TYR: variants seen among roughly 807,000 people sequenced by gnomAD.
The protein encoded by TYR is tyrosinase, also known as LB24-AB.
A neutral mutation model predicts 51.5 loss-of-function variants in TYR; 58 were observed. That is an observed-to-expected ratio of 1.13 (90% confidence interval 0.91 to 1.40). The LOEUF (loss-of-function observed/expected upper bound fraction) is 1.40. Ranked by LOEUF, TYR falls within the 40% of genes most tolerant of loss-of-function variation. The probability of loss-of-function intolerance (pLI) is 0.00; values close to 1 mark genes in which losing one functional copy is unlikely to be tolerated. For synonymous variants in TYR, 263 were observed against 235.2 expected (o/e 1.12, Z -1.08); for missense variants, 732 against 647.4 (o/e 1.13, Z -1.42).
chr11:89,178,584 CAT>C lies in TYR; in HGVS notation c.633_634del (p.His211GlnfsTer18), dbSNP rs1340376374. 1 of 1,613,708 alleles carries C rather than the reference CAT, an allele frequency of 6.2e-7. No homozygotes were observed. Among genetic ancestry groups the C allele is most frequent in the African/African-American group, 1.3e-5 (1 of 74,848 alleles). ...AHEAPAFLPW[H>X]RLFLLRWEQE... ...TGAAGCACCAGCTTTTCTGCCTTGG[CAT>C]AGACTCTTCTTGTTGCGGTGGGAAC... is the stretch of plus-strand genomic sequence containing the variant. On this transcript the variant is annotated frameshift_variant, in exon 1 of 5. Transcript: ENST00000263321. LOFTEE classifies it high-confidence loss of function.
At position 89,232,591 on chromosome 11, in the gene TYR, T is replaced by C. The variant is rs572384289; in HGVS notation, c.1184+4621T>C. 7.7e-5 allele frequency among the ~76,000 whole-genome samples: 11 copies of C among 142,194 alleles called. No individual in the cohort carries two copies. In the East Asian group the frequency reaches 2.2e-3, roughly 29 times the overall value. 93.3% of individuals were successfully genotyped at this position (142,194 alleles called of 152,430 possible). A position where few individuals can be genotyped will look rare whatever the true frequency, so the allele number is the denominator to read the frequency against. On this transcript the variant is annotated intron_variant, in intron 3 of 4. Transcript: ENST00000263321. Reference sequence around the variant, plus strand: ...GCATAACAGCTGAAAAACTACCTAATGTATAAGGTATACTATGTTCATAAC... The same window carrying C: ...GCATAACAGCTGAAAAACTACCTAACGTATAAGGTATACTATGTTCATAAC...
Position 89,191,317 on chromosome 11 carries a change from T to TCC in TYR, c.938_939dup (p.Ser314ProfsTer6), listed in dbSNP as rs867751958. 5 of 1,613,562 alleles carry TCC rather than the reference T, an allele frequency of 3.1e-6. No individual in the cohort carries two copies. In the African/African-American group the frequency reaches 5.3e-5, roughly 17 times the overall value. On this transcript the variant is annotated frameshift_variant, in exon 2 of 5. Coordinates refer to ENST00000263321, the MANE Select transcript of TYR (RefSeq NM_000372.5). LOFTEE classifies it high-confidence loss of function. ...CATGACAAATCCAGAACCCCAAGGCTCCCCTCTTCAGCTGATGTAGAATTT... is the reference window on the plus strand; with the variant it reads ...CATGACAAATCCAGAACCCCAAGGCTCCCCCCTCTTCAGCTGATGTAGAATTT...
chr11:89,209,832 A>G (rs758211892), intron 2 of TYR, among the ~76,000 whole-genome samples: 11 of 152,100 alleles, frequency 7.2e-5, no homozygotes, highest in Non-Finnish European at 2.9e-5. Context: ...CAGGGTCTGG[A>G]GCGGACCTCA....
chr11:89,225,617 G>T, intron 2 of TYR, among the ~76,000 whole-genome samples: 1 of 151,938 alleles, frequency 6.6e-6, no homozygotes, highest in Middle Eastern at 3.8e-3. Context: ...TCAAAGAAGA[G>T]TTTAAGTTGT....
chr11:89,219,573 C>T lies in TYR; in HGVS notation c.1037-8250C>T, dbSNP rs1054376195. 1.1e-4 allele frequency among the ~76,000 whole-genome samples: 16 copies of T among 152,182 alleles called. No individual in the cohort carries two copies. In the South Asian group the frequency reaches 1.7e-3, roughly 16 times the overall value. ...CAAAGTGCTAGGAGTACAGGCGTGA[C>T]CCACTGTGCCCGGCCTGATAGAATG... On this transcript the variant is annotated intron_variant, in intron 2 of 4. Coordinates refer to ENST00000263321, the MANE Select transcript of TYR (RefSeq NM_000372.5).
intron 3 of TYR, among the ~76,000 whole-genome samples, chr11:89,233,637 G>A (rs1342814681): frequency 2.1e-5 from 3 of 142,028 alleles, no homozygotes; most frequent in Non-Finnish European, 4.5e-5. Context: ...ATACGTGTTA[G>A]CAGGCATGAA....
At position 89,272,645 on chromosome 11, in the gene TYR, C is replaced by T. The variant is rs191995236; in HGVS notation, c.1185-12128C>T. On this transcript the variant is annotated intron_variant, in intron 3 of 4. Coordinates refer to ENST00000263321, the MANE Select transcript of TYR (RefSeq NM_000372.5). ...AGCCCATCCTTTGAAGCTTTAAAGC[C>T]AGGCATTGAGTTCTTTCTAGCTAAG... is the stretch of plus-strand genomic sequence containing the variant. 3.3e-5 allele frequency among the ~76,000 whole-genome samples: 5 copies of T among 151,996 alleles called. No homozygotes were observed. The East Asian group carries it at 9.7e-4, about 30-fold the overall frequency.
At chr11:89,228,070 T>C (rs1007525016) in intron 3 of TYR, 100 bp downstream of exon 3, 8 of 1,452,100 alleles carry the variant, frequency 5.5e-6, no homozygotes, top group African/African-American at 2.8e-5. Flanking sequence ...TAAGAAGTTA[T>C]GGTAGTCTAT....
intron 2 of TYR, among the ~76,000 whole-genome samples, chr11:89,226,148 T>C (rs1943973289): frequency 6.6e-6 from 1 of 152,110 alleles, no homozygotes; most frequent in South Asian, 2.1e-4. Context: ...ACAACTTCTA[T>C]GAAGAACATT....
Position 89,240,749 on chromosome 11 carries a change from G to A in TYR, c.1184+12779G>A, listed in dbSNP as rs576633508. ...ATAATCTCTTTTTGAAGAAATGACA[G>A]TAATACATTAGTACAGTTGCAGGTC... On this transcript the variant is annotated intron_variant, in intron 3 of 4. Coordinates refer to ENST00000263321, the MANE Select transcript of TYR (RefSeq NM_000372.5). Among the ~76,000 whole-genome samples the A allele has an allele frequency of 3.7e-4, 56 of 152,280 alleles. 1 individual carries two copies. The highest frequency in any genetic ancestry group is 2.2e-3 in the Admixed American group (33 of 15,284).
intron 3 of TYR, among the ~76,000 whole-genome samples, chr11:89,236,713 T>C (rs1944119733): frequency 1.3e-5 from 2 of 152,212 alleles, no homozygotes; most frequent in Non-Finnish European, 2.9e-5. Flanking sequence ...AATATATTTA[T>C]TGGCAAACTA....
intron 3 of TYR, among the ~76,000 whole-genome samples, chr11:89,242,147 T>A (rs1944204843): frequency 6.6e-6 from 1 of 152,108 alleles, no homozygotes; most frequent in Admixed American, 6.6e-5. Context: ...GTGTCCAGGA[T>A]AAAATTTCAG....
At chr11:89,246,481 G>C (rs1944269425) in intron 3 of TYR, among the ~76,000 whole-genome samples, 1 of 152,088 alleles carries the variant, frequency 6.6e-6, no homozygotes, top group Non-Finnish European at 1.5e-5. Flanking sequence ...TTTACTCACT[G>C]TACTCTAAAT....
chr11:89,272,442 T>C (rs1944600012), intron 3 of TYR, among the ~76,000 whole-genome samples: 1 of 151,810 alleles, frequency 6.6e-6, no homozygotes, highest in African/African-American at 2.4e-5. Context: ...CTTGAAATAT[T>C]CAGTAAATCA....
chr11:89,247,718 G>A (rs1364839705), intron 3 of TYR, among the ~76,000 whole-genome samples: 5 of 152,196 alleles, frequency 3.3e-5, no homozygotes, highest in Middle Eastern at 3.2e-3. Flanking sequence ...AAGGCACACA[G>A]TTTTCTGCAA....
chr11:89,245,229 T>C (rs1443960712), intron 3 of TYR, among the ~76,000 whole-genome samples: 1 of 152,200 alleles, frequency 6.6e-6, no homozygotes, highest in Non-Finnish European at 1.5e-5. Context: ...GAAAAGTCAA[T>C]AGTTACAACA....
chr11:89,207,735 T>C lies in TYR; in HGVS notation c.1036+16317T>C, dbSNP rs78441370. Among the ~76,000 whole-genome samples, 1,312 of 152,284 alleles carry C rather than the reference T, an allele frequency of 8.6e-3. 19 individuals carry two copies. Among genetic ancestry groups the C allele is most frequent in the African/African-American group, 0.03 (1,256 of 41,566 alleles). On this transcript the variant is annotated intron_variant, in intron 2 of 4. Transcript: ENST00000263321. ...TATTGACGAATATAATTCAGCTGCA[T>C]ATAAAAAGAATTTTATGCATTGAAA...
At chr11:89,256,190 T>C (rs925682684) in intron 3 of TYR, among the ~76,000 whole-genome samples, 1 of 151,800 alleles carries the variant, frequency 6.6e-6, no homozygotes, top group African/African-American at 2.4e-5. Context: ...AAATCGGGTA[T>C]TTGTTTGTTA....
intron 1 of TYR, among the ~76,000 whole-genome samples, chr11:89,188,270 C>A (rs138457703): frequency 6.6e-6 from 1 of 151,806 alleles, no homozygotes; most frequent in East Asian, 2.0e-4. Flanking sequence ...AGACTGTAAA[C>A]TCTATAAAAA....
Sources: gnomAD v4.1 joint callset for allele counts (sites outside exome capture counted in the v4.1 genomes callset) on GRCh38, gnomAD v4.1.1 for gene constraint, MANE v1.5 for transcripts, NCBI Gene and HGNC (gene_info 2026-07-23, HGNC 2026-07-21) for gene names.